NLK: variants seen among roughly 807,000 people sequenced by gnomAD.
The protein encoded by NLK is nemo like kinase, also known as serine/threonine-protein kinase NLK.
A neutral mutation model predicts 59.0 loss-of-function variants in NLK; 11 were observed. The ratio of observed to expected loss-of-function variants is 0.19; its 90% CI spans 0.12 to 0.31. The LOEUF is 0.31. NLK is among the 10% of genes least tolerant of loss of function. NLK has a pLI of 1.00. For synonymous variants in NLK, 235 were observed against 235.9 expected (o/e 1.00, Z 0.03); for missense variants, 410 against 661.1 (o/e 0.62, Z 4.16).
rs759790656 is a variant in NLK at position 28,191,202 on chromosome 17, C to T, written c.1418C>T (p.Ser473Phe). ...FDDTFEKNLS[S>F]VRQVKEIIHQ... Reference sequence around the variant, plus strand: ...GACACTTTCGAGAAGAACCTCAGTTCTGTCCGACAGGTTAAAGGTGAGTAT... The same window carrying T: ...GACACTTTCGAGAAGAACCTCAGTTTTGTCCGACAGGTTAAAGGTGAGTAT... Residue 473 changes from serine to phenylalanine, a missense_variant, in exon 9 of 11, where the codon TCT (serine) becomes TTT (phenylalanine). Physicochemically the swap from Ser to Phe is radical, Grantham distance 155. Around this residue, in one of 5 missense-constraint regions of NLK, gnomAD observed 150 missense variants for 244.3 expected, o/e 0.61. Transcript: ENST00000407008. 1 of 1,611,258 alleles carries T rather than the reference C, an allele frequency of 6.2e-7. No homozygotes were observed. The highest frequency in any genetic ancestry group is 8.5e-7 in the Non-Finnish European group (1 of 1,178,866).
chr17:28,164,880 A>C (rs918184466), intron 5 of NLK, among the ~76,000 whole-genome samples: 2 of 152,208 alleles, frequency 1.3e-5, no homozygotes, highest in Non-Finnish European at 2.9e-5. Flanking sequence ...TCTGAACTGT[A>C]GGTCAGTTCT....
rs187690147 is a variant in NLK, at chr17:28,087,697, T to A, written c.459-34906T>A. Among the ~76,000 whole-genome samples, 522 of 152,110 alleles carry A rather than the reference T, an allele frequency of 3.4e-3. 3 individuals carry two copies. The highest frequency in any genetic ancestry group is 6.3e-3 in the Non-Finnish European group (426 of 68,024). ...ATTGGGCTTTGAATGTTAGGAAATT[T>A]GGATTTTATTTATTTTCTGTTCAAA... On this transcript the variant is annotated intron_variant, in intron 1 of 10. Coordinates refer to ENST00000407008, the MANE Select transcript of NLK (RefSeq NM_016231.5).
intron 1 of NLK, among the ~76,000 whole-genome samples, chr17:28,110,142 G>C (rs184698027): frequency 6.6e-6 from 1 of 151,916 alleles, no homozygotes; most frequent in African/African-American, 2.4e-5. Context: ...AATTTATTCC[G>C]TAAGTATTTT....
intron 1 of NLK, among the ~76,000 whole-genome samples, chr17:28,121,961 T>G (rs1249174777): frequency 6.6e-6 from 1 of 152,066 alleles, no homozygotes; most frequent in Non-Finnish European, 1.5e-5. Context: ...GGGACACAGT[T>G]ATTAAAAAGA....
chr17:28,131,975 G>A (rs1320265078), intron 2 of NLK, among the ~76,000 whole-genome samples: 1 of 152,090 alleles, frequency 6.6e-6, no homozygotes, highest in Non-Finnish European at 1.5e-5. Flanking sequence ...AATAAGCACT[G>A]GCTTTTCTGT....
intron 1 of NLK, among the ~76,000 whole-genome samples, chr17:28,089,956 A>G (rs1341619359): frequency 6.6e-6 from 1 of 152,060 alleles, no homozygotes; most frequent in Non-Finnish European, 1.5e-5. Context: ...CAGCAACATC[A>G]TTTGCAAATA....
chr17:28,150,557 G>A (rs887625088), intron 3 of NLK, among the ~76,000 whole-genome samples: 1 of 152,190 alleles, frequency 6.6e-6, no homozygotes, highest in African/African-American at 2.4e-5. Context: ...AAAAAAGCTT[G>A]TAATATTGTT....
At chr17:28,145,592 A>G (rs1451358113) in intron 3 of NLK, among the ~76,000 whole-genome samples, 1 of 152,212 alleles carries the variant, frequency 6.6e-6, no homozygotes, top group Non-Finnish European at 1.5e-5. Context: ...TTTGATGCCA[A>G]AAACCCTGCA....
At chr17:28,150,973 C>T (rs1032455829) in intron 3 of NLK, among the ~76,000 whole-genome samples, 3 of 152,118 alleles carry the variant, frequency 2.0e-5, no homozygotes, top group African/African-American at 7.2e-5. Flanking sequence ...GTGGGTACAC[C>T]AGCTGTTGGA....
At chr17:28,160,689 G>A (rs961232551) in intron 3 of NLK, among the ~76,000 whole-genome samples, 2 of 152,190 alleles carry the variant, frequency 1.3e-5, no homozygotes, top group Non-Finnish European at 2.9e-5. Flanking sequence ...TATTTTACAT[G>A]TGTTTAGGAA....
rs144479598 is a variant in NLK at position 28,111,861 on chromosome 17, CGT to C, written c.459-10708_459-10707del. ...CATTTTGAGCTAATAAGGCTTATAC[CGT>C]GTGTGTGTGTGTGTGTGTGTGTGTG... On this transcript the variant is annotated intron_variant, in intron 1 of 10. Coordinates refer to ENST00000407008, the MANE Select transcript of NLK (RefSeq NM_016231.5). Among the ~76,000 whole-genome samples the C allele has an allele frequency of 8.7e-3, 641 of 74,034 alleles. 13 individuals are homozygous for C. The highest frequency in any genetic ancestry group is 0.014 in the African/African-American group (270 of 19,160). The allele number at this position is 74,034 out of a possible 152,430, so 48.6% of individuals were successfully genotyped here.
At chr17:28,140,408 G>A (rs1045578921) in intron 3 of NLK, among the ~76,000 whole-genome samples, 4 of 152,156 alleles carry the variant, frequency 2.6e-5, no homozygotes, top group East Asian at 1.9e-4. Flanking sequence ...ACACTGAAGC[G>A]TGATTAAATG....
intron 1 of NLK, among the ~76,000 whole-genome samples, chr17:28,094,461 A>G (rs977402834): frequency 2.0e-5 from 3 of 152,322 alleles, no homozygotes. Context: ...TTCAAAGCTT[A>G]TGTACCAGAG....
At chr17:28,134,380 G>A (rs920634078) in intron 3 of NLK, among the ~76,000 whole-genome samples, 2 of 152,092 alleles carry the variant, frequency 1.3e-5, no homozygotes, top group Non-Finnish European at 1.5e-5. Flanking sequence ...TAGCCTGGGC[G>A]ACAGAGTGAG....
intron 5 of NLK, 126 bp downstream of exon 5, chr17:28,163,754 C>T (rs1474595446): frequency 1.6e-6 from 1 of 611,434 alleles, no homozygotes; most frequent in Non-Finnish European, 2.9e-6. Flanking sequence ...ACCCAGTTTT[C>T]TCCATATCAC....
At chr17:28,135,496 G>C (rs565711872) in intron 3 of NLK, among the ~76,000 whole-genome samples, 1 of 152,130 alleles carries the variant, frequency 6.6e-6, no homozygotes, top group Non-Finnish European at 1.5e-5. Flanking sequence ...AAACTATCTG[G>C]CATGCCCAAA....
chr17:28,066,831 T>C (rs1181054588), intron 1 of NLK, among the ~76,000 whole-genome samples: 1 of 152,234 alleles, frequency 6.6e-6, no homozygotes, highest in Admixed American at 6.5e-5. Context: ...ATAGTGGTTT[T>C]GCATTTCCCT....
chr17:28,186,702 T>G (rs934599495), intron 8 of NLK, among the ~76,000 whole-genome samples: 1 of 152,182 alleles, frequency 6.6e-6, no homozygotes. Context: ...CTCATGAGAC[T>G]TATTCACTAT....
intron 2 of NLK, among the ~76,000 whole-genome samples, chr17:28,127,496 A>G (rs1567721678): frequency 6.6e-6 from 1 of 152,212 alleles, no homozygotes; most frequent in African/African-American, 2.4e-5. Context: ...GGAAAAAGCA[A>G]AGGATGATGT....
Sources: gnomAD v4.1 joint callset for allele counts (sites outside exome capture counted in the v4.1 genomes callset) on GRCh38, gnomAD v4.1.1 for gene constraint, gnomAD v4.1.1 regional missense constraint, MANE v1.5 for transcripts, NCBI Gene and HGNC (gene_info 2026-07-23, HGNC 2026-07-21) for gene names.